The following RERE variants were observed in gnomAD, a reference collection of about 807,000 sequenced individuals.
RERE encodes arginine-glutamic acid dipeptide repeats protein.
A neutral mutation model predicts 146.1 loss-of-function variants in RERE; 40 were observed. The ratio of observed to expected loss-of-function variants is 0.27; its 90% CI spans 0.21 to 0.36. The LOEUF (loss-of-function observed/expected upper bound fraction) is 0.36, where lower values mean the gene tolerates loss of function less well. Ranked by LOEUF, RERE falls within the 10% of genes least tolerant of loss-of-function variation. The pLI is 1.00. For missense variants in RERE, 1,933 were observed against 2,138.7 expected, an observed-to-expected ratio of 0.90 and a Z score of 1.90; for synonymous variants, 1,003 against 866.0, an observed-to-expected ratio of 1.16 and a Z score of -2.78.
intron 12 of RERE, among the ~76,000 whole-genome samples, chr1:8,405,937 A>T (rs1287280471): frequency 6.6e-6 from 1 of 152,086 alleles, no homozygotes; most frequent in Non-Finnish European, 1.5e-5. Context: ...AGCCGGCCTG[A>T]TTTTAATTTT....
chr1:8,376,799 A>C (rs1002510679), intron 12 of RERE, among the ~76,000 whole-genome samples: 2 of 152,240 alleles, frequency 1.3e-5, no homozygotes, highest in African/African-American at 4.8e-5. Flanking sequence ...CATCTTTCCA[A>C]ACTGCTTCCA....
rs535917882 is a variant in RERE at position 8,356,704 on chromosome 1, C to T, written c.4340-458G>A. ...TAAAGGAGGCCAGCAGAGTGGGTGG[C>T]GCAGAATGGGGACCTGGCACAGCAC... On this transcript the variant is annotated intron_variant, in intron 20 of 22. Coordinates refer to ENST00000400908, the MANE Select transcript of RERE (RefSeq NM_001042681.2). The surrounding 1 kb of genome is among the most constrained non-coding windows in gnomAD (Gnocchi z 5.2). Among the ~76,000 whole-genome samples the T allele has an allele frequency of 3.3e-5, 5 of 152,286 alleles. No individual in the cohort carries two copies. Among genetic ancestry groups the T allele is most frequent in the Admixed American group, 2.0e-4 (3 of 15,306 alleles).
At chr1:8,392,274 G>A (rs1258086612) in intron 12 of RERE, among the ~76,000 whole-genome samples, 1 of 151,970 alleles carries the variant, frequency 6.6e-6, no homozygotes, top group Non-Finnish European at 1.5e-5. Context: ...ATGTCACAGA[G>A]GGCATTTGTA....
rs199538203 is a variant in RERE at position 8,625,982 on chromosome 1, CCA to C, written c.326-1604_326-1603del. Among the ~76,000 whole-genome samples the C allele has an allele frequency of 2.8e-3, 428 of 152,310 alleles. 3 individuals are homozygous for C. The highest frequency in any genetic ancestry group is 0.01 in the African/African-American group (417 of 41,570). On this transcript the variant is annotated intron_variant, in intron 2 of 22. Transcript: ENST00000400908. ...CTCAACAGAGATTTAATCCCTGAAT[CCA>C]CGTAAAACAGTAGCTCAGGAATGAA...
At chr1:8,487,227 G>A (rs1315287417) in intron 10 of RERE, among the ~76,000 whole-genome samples, 2 of 152,028 alleles carry the variant, frequency 1.3e-5, no homozygotes, top group Non-Finnish European at 2.9e-5. Context: ...AAAATTCAAT[G>A]CCCATTCACA....
intron 1 of RERE, among the ~76,000 whole-genome samples, chr1:8,705,942 C>T (rs1308259644): frequency 2.0e-5 from 3 of 151,888 alleles, no homozygotes; most frequent in Admixed American, 2.0e-4. Flanking sequence ...TGGTGAAACC[C>T]TGTCTTTACT....
At chr1:8,370,478 C>T (rs765323970) in intron 12 of RERE, among the ~76,000 whole-genome samples, 1 of 152,134 alleles carries the variant, frequency 6.6e-6, no homozygotes, top group Non-Finnish European at 1.5e-5. Flanking sequence ...TGCATTTTTA[C>T]GGTATTCATA....
intron 1 of RERE, among the ~76,000 whole-genome samples, chr1:8,748,342 C>G (rs1289789884): frequency 1.3e-5 from 2 of 152,152 alleles, no homozygotes; most frequent in South Asian, 4.1e-4. Flanking sequence ...CTCAGCCCCA[C>G]GCCAGATGCC....
At chr1:8,441,531 A>G (rs551047007) in intron 11 of RERE, among the ~76,000 whole-genome samples, 1 of 152,372 alleles carries the variant, frequency 6.6e-6, no homozygotes, top group Non-Finnish European at 1.5e-5. Context: ...TCAGGATGAG[A>G]AAGACTCCAC....
At chr1:8,461,544 C>T (rs1354725954) in intron 11 of RERE, among the ~76,000 whole-genome samples, 3 of 152,158 alleles carry the variant, frequency 2.0e-5, no homozygotes, top group Non-Finnish European at 4.4e-5. Context: ...GTATCCGGTA[C>T]AGAATTTGAC....
intron 8 of RERE, among the ~76,000 whole-genome samples, chr1:8,508,134 A>G (rs1480272414): frequency 6.6e-6 from 1 of 152,256 alleles, no homozygotes; most frequent in Non-Finnish European, 1.5e-5. Flanking sequence ...ATTTAGCCTT[A>G]AAAAGGATAG....
chr1:8,518,047 C>G (rs1230082185), intron 7 of RERE, among the ~76,000 whole-genome samples: 2 of 152,178 alleles, frequency 1.3e-5, no homozygotes, highest in Non-Finnish European at 2.9e-5. Flanking sequence ...GCGGCCACTT[C>G]TTCACCCTGA....
chr1:8,493,381 C>T (rs962783551), intron 10 of RERE, among the ~76,000 whole-genome samples: 1 of 152,190 alleles, frequency 6.6e-6, no homozygotes, highest in African/African-American at 2.4e-5. Flanking sequence ...TGTACACAAA[C>T]ACACAATATT....
intron 4 of RERE, among the ~76,000 whole-genome samples, chr1:8,565,225 G>A (rs1374573000): frequency 1.3e-5 from 2 of 152,050 alleles, no homozygotes; most frequent in Non-Finnish European, 2.9e-5. Flanking sequence ...AATTTCAAAT[G>A]TTGCCATCAT....
At chr1:8,373,833 G>A (rs983586838) in intron 12 of RERE, among the ~76,000 whole-genome samples, 1 of 152,174 alleles carries the variant, frequency 6.6e-6, no homozygotes. Flanking sequence ...AACCAGCAGC[G>A]ATATTCAGGA....
At position 8,656,255 on chromosome 1, in the gene RERE, G is replaced by C; in HGVS notation, c.43C>G (p.Arg15Gly). Residue 15 changes from arginine to glycine, a missense_variant, in exon 2 of 23, where the codon CGG becomes GGG. Coordinates refer to ENST00000400908, the MANE Select transcript of RERE (RefSeq NM_001042681.2). ...CTCTCTCGGTCCCGGTCTCGGTCCCGGTCCTTCTCTTTGTCTTTGTCTTTG... is the reference window on the plus strand; with the variant it reads ...CTCTCTCGGTCCCGGTCTCGGTCCCCGTCCTTCTCTTTGTCTTTGTCTTTG... Reference protein sequence around the residue: ...KDKDKDKEKDRDRDRDREREK... With the variant: ...KDKDKDKEKDGDRDRDREREK... 6.2e-7 allele frequency: 1 copy of C among 1,612,640 alleles called. No homozygotes were observed.
At chr1:8,531,044 TCTATCTATCTATCTATCTATCTATCTAA>T (rs1457581487) in intron 7 of RERE, among the ~76,000 whole-genome samples, 2 of 151,020 alleles carry the variant, frequency 1.3e-5, no homozygotes, top group African/African-American at 4.9e-5. Flanking sequence ...TATCTATCTA[TCTATCTATCTATCTATCTATCTATCTAA>T]CTTTCTATCT....
intron 1 of RERE, among the ~76,000 whole-genome samples, chr1:8,795,091 A>T (rs1438675547): frequency 6.6e-6 from 1 of 152,112 alleles, no homozygotes; most frequent in Non-Finnish European, 1.5e-5. Context: ...GCAGTGGTGC[A>T]ATCTTGGCTC....
intron 1 of RERE, chr1:8,798,647 G>T: frequency 4.6e-6 from 1 of 216,932 alleles, no homozygotes. Context: ...ACTGACAGCT[G>T]TTGTGGGCAA....
Sources: gnomAD v4.1 joint callset for allele counts (sites outside exome capture counted in the v4.1 genomes callset) on GRCh38, gnomAD v4.1.1 for gene constraint, Gnocchi (gnomAD v3.1) non-coding constraint, MANE v1.5 for transcripts, NCBI Gene and HGNC (gene_info 2026-07-23, HGNC 2026-07-21) for gene names.